Variants in KCTD16 observed in about 807,000 individuals in gnomAD.
The protein encoded by KCTD16 is BTB/POZ domain-containing protein KCTD16.
KCTD16 carries 13 observed loss-of-function variants against 33.2 expected under a neutral mutation model. The observed-to-expected ratio is 0.39, with a 90% CI of 0.25 to 0.62. The LOEUF is 0.62. KCTD16 is among the 20% of genes least tolerant of loss of function. The pLI is 0.50. For missense variants in KCTD16, 441 were observed against 525.1 expected, an observed-to-expected ratio of 0.84 and a Z score of 1.57; for synonymous variants, 197 against 195.3, an observed-to-expected ratio of 1.01 and a Z score of -0.07.
chr5:144,414,337 G>A (rs1753000279), intron 3 of KCTD16, among the ~76,000 whole-genome samples: 1 of 152,098 alleles, frequency 6.6e-6, no homozygotes, highest in African/African-American at 2.4e-5. Context: ...GGTTGTCATG[G>A]CAACTGATGA....
chr5:144,255,513 A>T (rs935724420), intron 3 of KCTD16, among the ~76,000 whole-genome samples: 1 of 152,170 alleles, frequency 6.6e-6, no homozygotes, highest in African/African-American at 2.4e-5. Flanking sequence ...TCTTTTAATG[A>T]TATGCATCCT....
chr5:144,261,017 A>G (rs1272807320), intron 3 of KCTD16, among the ~76,000 whole-genome samples: 1 of 152,020 alleles, frequency 6.6e-6, no homozygotes, highest in Non-Finnish European at 1.5e-5. Context: ...ACTTGTAAAT[A>G]TCTGTCTAGA....
At chr5:144,403,303 A>G (rs1445990868) in intron 3 of KCTD16, among the ~76,000 whole-genome samples, 1 of 152,226 alleles carries the variant, frequency 6.6e-6, no homozygotes, top group Non-Finnish European at 1.5e-5. Context: ...TGTAGATGTA[A>G]TAAAGTTAAA....
intron 2 of KCTD16, chr5:144,206,012 A>G (rs1177219296): frequency 1.9e-5 from 3 of 154,208 alleles, no homozygotes; most frequent in Admixed American, 6.5e-5. Flanking sequence ...TATTTTTTTC[A>G]CAAGAACTGG....
intron 3 of KCTD16, chr5:144,439,192 C>T (rs573571353): frequency 6.5e-5 from 12 of 183,464 alleles, no homozygotes; most frequent in Non-Finnish European, 1.3e-4. Context: ...TGAAAGCTTG[C>T]AGACACAGCG....
intron 3 of KCTD16, among the ~76,000 whole-genome samples, chr5:144,362,761 A>G (rs539088049): frequency 1.3e-5 from 2 of 152,272 alleles, no homozygotes; most frequent in South Asian, 4.1e-4. Flanking sequence ...GTACCGTCTG[A>G]CACACTTGAG....
intron 3 of KCTD16, among the ~76,000 whole-genome samples, chr5:144,238,814 C>T (rs1313392606): frequency 6.6e-6 from 1 of 152,178 alleles, no homozygotes; most frequent in Non-Finnish European, 1.5e-5. Flanking sequence ...TATGCCCATT[C>T]ATCTATTCAC....
At chr5:144,408,145 A>G (rs980070644) in intron 3 of KCTD16, among the ~76,000 whole-genome samples, 4 of 152,198 alleles carry the variant, frequency 2.6e-5, no homozygotes, top group Non-Finnish European at 5.9e-5. Flanking sequence ...GTTGATCTAA[A>G]TTGACTGCAT....
chr5:144,309,963 C>A (rs1751715779), intron 3 of KCTD16, among the ~76,000 whole-genome samples: 2 of 151,108 alleles, frequency 1.3e-5, no homozygotes, highest in Non-Finnish European at 2.9e-5. Context: ...TTTGTGAAAT[C>A]TTTTTTGGTC....
At chr5:144,261,686 C>G (rs1755016110) in intron 3 of KCTD16, among the ~76,000 whole-genome samples, 2 of 152,202 alleles carry the variant, frequency 1.3e-5, no homozygotes, top group South Asian at 4.1e-4. Context: ...CTTGCAGTTT[C>G]ACTGCACATC....
chr5:144,247,281 T>C (rs1754576429), intron 3 of KCTD16, among the ~76,000 whole-genome samples: 1 of 152,210 alleles, frequency 6.6e-6, no homozygotes, highest in East Asian at 1.9e-4. Context: ...TCTGCTTTGT[T>C]TACTGAAACA....
intron 2 of KCTD16, among the ~76,000 whole-genome samples, chr5:144,182,980 T>A (rs761720925): frequency 4.6e-5 from 7 of 152,074 alleles, no homozygotes; most frequent in Non-Finnish European, 7.4e-5. Flanking sequence ...TTACTTGTAA[T>A]CATTTCTCTA....
intron 3 of KCTD16, among the ~76,000 whole-genome samples, chr5:144,316,826 CTT>C (rs34796022): frequency 1.4e-3 from 159 of 111,142 alleles, no homozygotes; most frequent in African/African-American, 5.1e-3. Context: ...GCCAGCATCC[CTT>C]TTTTTTTTTT....
At chr5:144,214,394 T>A (rs972953113) in intron 3 of KCTD16, among the ~76,000 whole-genome samples, 1 of 152,154 alleles carries the variant, frequency 6.6e-6, no homozygotes, top group South Asian at 2.1e-4. Context: ...TTCTAAGGAG[T>A]GACTGACCAT....
chr5:144,254,313 T>TTG (rs372369232), intron 3 of KCTD16, among the ~76,000 whole-genome samples: 31,955 of 151,366 alleles, frequency 0.21, 3,763 homozygotes, highest in Non-Finnish European at 0.27. Flanking sequence ...ATTTTTTTTT[T>TTG]TTGTTTTTTT....
chr5:144,244,115 A>G (rs1239827646), intron 3 of KCTD16, among the ~76,000 whole-genome samples: 1 of 152,126 alleles, frequency 6.6e-6, no homozygotes, highest in Non-Finnish European at 1.5e-5. Context: ...GAGAGTTTCT[A>G]AGACTCCCCA....
chr5:144,211,029 A>G (rs996845463), intron 3 of KCTD16, among the ~76,000 whole-genome samples: 6 of 152,300 alleles, frequency 3.9e-5, no homozygotes, highest in African/African-American at 1.4e-4. Context: ...AGTGCATTTT[A>G]ACCTTTCTTC....
rs1387303778 is a variant in KCTD16 at position 144,479,121 on chromosome 5, C to A, written c.*5007C>A. The A allele has an allele frequency of 6.6e-6, 1 of 151,704 alleles. No individual in the cohort carries two copies. The highest frequency in any genetic ancestry group is 2.4e-5 in the African/African-American group (1 of 41,340). 9.4% of individuals were successfully genotyped at this position (151,704 alleles called of 1,614,324 possible). On this transcript the variant is annotated 3_prime_UTR_variant, in exon 4 of 4. Transcript: ENST00000512467. Reference sequence around the variant, plus strand: ...GAGTGGGAGGAAATTGAAAGTGATCCATAATTTAATGGTGTATATGGCCCC... The same window carrying A: ...GAGTGGGAGGAAATTGAAAGTGATCAATAATTTAATGGTGTATATGGCCCC...
chr5:144,200,397 T>C (rs1203271838), intron 2 of KCTD16, among the ~76,000 whole-genome samples: 2 of 152,216 alleles, frequency 1.3e-5, no homozygotes, highest in Non-Finnish European at 2.9e-5. Context: ...CCGAAGGATC[T>C]CCACTCCCAA....
Sources: gnomAD v4.1 joint callset for allele counts (sites outside exome capture counted in the v4.1 genomes callset) on GRCh38, gnomAD v4.1.1 for gene constraint, MANE v1.5 for transcripts, NCBI Gene and HGNC (gene_info 2026-07-23, HGNC 2026-07-21) for gene names.